CDH6: variants seen among roughly 807,000 people sequenced by gnomAD.
The protein encoded by CDH6 is cadherin-6.
Under a neutral mutation model 78.0 loss-of-function variants are expected in CDH6, and 31 were observed. The observed-to-expected ratio is 0.40, with a 90% confidence interval of 0.30 to 0.54. The LOEUF (loss-of-function observed/expected upper bound fraction) is 0.54. Ranked by LOEUF, CDH6 falls within the 20% of genes least tolerant of loss-of-function variation. The pLI is 0.56. For missense variants in CDH6, 724 were observed against 975.9 expected, an observed-to-expected ratio of 0.74 and a Z score of 3.44; for synonymous variants, 376 against 368.8, an observed-to-expected ratio of 1.02 and a Z score of -0.23.
At chr5:31,318,016 G>C (rs1473419363) in intron 11 of CDH6, 92 bp downstream of exon 11, 1 of 1,447,788 alleles carries the variant, frequency 6.9e-7, no homozygotes, top group Non-Finnish European at 9.6e-7. Context: ...CCCCCATTAA[G>C]GCATACAGCC....
intron 1 of CDH6, among the ~76,000 whole-genome samples, chr5:31,222,986 C>T (rs1046596018): frequency 6.6e-5 from 10 of 152,028 alleles, no homozygotes; most frequent in East Asian, 3.9e-4. Flanking sequence ...CTCTCTCTCC[C>T]GCACTTTTCC....
At chr5:31,261,919 A>T (rs530146663) in intron 1 of CDH6, among the ~76,000 whole-genome samples, 4 of 152,218 alleles carry the variant, frequency 2.6e-5, no homozygotes, top group African/African-American at 7.2e-5. Flanking sequence ...TTCAATCAAT[A>T]AAAAAAATTC....
chr5:31,256,036 GTA>G (rs1325996038), intron 1 of CDH6, among the ~76,000 whole-genome samples: 1 of 152,190 alleles, frequency 6.6e-6, no homozygotes, highest in East Asian at 1.9e-4. Flanking sequence ...TTTGCTGTGT[GTA>G]TGTGTGTGTT....
intron 2 of CDH6, among the ~76,000 whole-genome samples, chr5:31,273,356 A>G (rs1742586260): frequency 6.6e-6 from 1 of 152,238 alleles, no homozygotes; most frequent in South Asian, 2.1e-4. Context: ...ATGTCAGATG[A>G]AAGCATCGTC....
intron 1 of CDH6, among the ~76,000 whole-genome samples, chr5:31,253,184 C>A (rs1208045420): frequency 6.6e-6 from 1 of 152,148 alleles, no homozygotes; most frequent in African/African-American, 2.4e-5. Flanking sequence ...GGTTCTGTGT[C>A]CCCACCCAAA....
chr5:31,242,703 G>GC (rs1048854742), intron 1 of CDH6, among the ~76,000 whole-genome samples: 1 of 142,010 alleles, frequency 7.0e-6, no homozygotes, highest in African/African-American at 2.9e-5. Flanking sequence ...AATAAGAATG[G>GC]GGGGGGGCGG....
Position 31,302,775 on chromosome 5 carries a change from AGAAAGAGAGAGAG to A in CDH6, c.999+478_999+490del, listed in dbSNP as rs1561065759. Among the ~76,000 whole-genome samples the A allele has an allele frequency of 2.3e-3, 202 of 89,174 alleles. 4 individuals carry two copies. The highest frequency in any genetic ancestry group is 7.4e-3 in the African/African-American group (127 of 17,166). The allele number at this position is 89,174 out of a possible 152,430, so 58.5% of individuals were successfully genotyped here. A position where few individuals can be genotyped will look rare whatever the true frequency, so the allele number is the denominator to read the frequency against. On this transcript the variant is annotated intron_variant, in intron 6 of 11. Transcript: ENST00000265071. ...GGAGAAAGAAAGAAAGAAAGAAAGA[AGAAAGAGAGAGAG>A]AGAGAGAGAGAGAAAGAAAGAAAGA...
intron 11 of CDH6, among the ~76,000 whole-genome samples, chr5:31,320,469 A>G (rs911197518): frequency 6.6e-6 from 1 of 152,168 alleles, no homozygotes; most frequent in South Asian, 2.1e-4. Context: ...GCCCATGTAC[A>G]TAAGAGCTTA....
chr5:31,240,569 C>A (rs1741570940), intron 1 of CDH6, among the ~76,000 whole-genome samples: 1 of 152,164 alleles, frequency 6.6e-6, no homozygotes, highest in Non-Finnish European at 1.5e-5. Context: ...GCAGCAGCTC[C>A]ACTAAGAATA....
intron 1 of CDH6, among the ~76,000 whole-genome samples, chr5:31,227,952 T>G (rs931923980): frequency 1.3e-5 from 2 of 152,196 alleles, no homozygotes; most frequent in Non-Finnish European, 2.9e-5. Context: ...TACAGATTTA[T>G]AGGTCAGAGG....
rs779981842 is a variant in CDH6 at position 31,317,663 on chromosome 5, C to T, written c.1631-10C>T. The T allele has an allele frequency of 3.7e-5, 59 of 1,604,042 alleles. No individual in the cohort carries two copies. The highest frequency in any genetic ancestry group is 4.9e-5 in the Non-Finnish European group (58 of 1,172,846). On this transcript the variant is annotated splice_polypyrimidine_tract_variant and intron_variant, in intron 10 of 11. Transcript: ENST00000265071. ...CCACATACATTCACCACTTTGCTTT[C>T]CGGTTCCAGACAACACGGCGGGAAT...
At position 31,202,621 on chromosome 5, in the gene CDH6, A is replaced by T. The variant is rs1740385742; in HGVS notation, c.-129+8735A>T. On this transcript the variant is annotated intron_variant, in intron 1 of 11. Transcript: ENST00000265071. ...ATTCTACTCCAGCCTGGGTGATAAG[A>T]GCAAAACTTCACCTCAAAAAAATAT... 1.3e-5 allele frequency among the ~76,000 whole-genome samples: 2 copies of T among 151,496 alleles called. 1 individual carries two copies. The highest frequency in any genetic ancestry group is 4.2e-4 in the South Asian group (2 of 4,778).
Position 31,325,064 on chromosome 5 carries a change from G to A in CDH6, c.*1756G>A, listed in dbSNP as rs1189461220. 1 of 218,352 alleles carries A rather than the reference G, an allele frequency of 4.6e-6. No individual in the cohort carries two copies. The highest frequency in any genetic ancestry group is 9.2e-6 in the Non-Finnish European group (1 of 108,902). 13.5% of individuals were successfully genotyped at this position (218,352 alleles called of 1,614,324 possible). ...CATATCAGCACATATTTTCTGTTTG[G>A]AAACACACTGTTGTTTAGTTAAGTT... On this transcript the variant is annotated 3_prime_UTR_variant, in exon 12 of 12. Coordinates refer to ENST00000265071, the MANE Select transcript of CDH6 (RefSeq NM_004932.4).
At chr5:31,302,899 GAAAA>G (rs1202118631) in intron 6 of CDH6, among the ~76,000 whole-genome samples, 1,235 of 104,600 alleles carry the variant, frequency 0.012, 23 homozygotes, top group African/African-American at 0.043. Context: ...AAGAAAGAAA[GAAAA>G]AAAGAAAGAA....
At chr5:31,224,716 T>C (rs1210064557) in intron 1 of CDH6, among the ~76,000 whole-genome samples, 4 of 152,062 alleles carry the variant, frequency 2.6e-5, no homozygotes, top group Non-Finnish European at 2.9e-5. Flanking sequence ...ACCACACCCC[T>C]CTAAATTTTG....
chr5:31,278,457 A>T (rs1372835084), intron 2 of CDH6, among the ~76,000 whole-genome samples: 1 of 152,220 alleles, frequency 6.6e-6, no homozygotes, highest in Non-Finnish European at 1.5e-5. Context: ...TTCCTTTGAG[A>T]CTTTTACAAA....
At chr5:31,202,887 C>T (rs1740399763) in intron 1 of CDH6, among the ~76,000 whole-genome samples, 1 of 151,552 alleles carries the variant, frequency 6.6e-6, no homozygotes, top group Non-Finnish European at 1.5e-5. Flanking sequence ...CAGTTTTGTA[C>T]TCAACAAAAT....
chr5:31,232,116 C>A (rs1741326884), intron 1 of CDH6, among the ~76,000 whole-genome samples: 1 of 152,156 alleles, frequency 6.6e-6, no homozygotes, highest in Non-Finnish European at 1.5e-5. Flanking sequence ...CTTTGTTTCT[C>A]ACTCTTTAAT....
At chr5:31,281,229 T>C (rs1454524832) in intron 2 of CDH6, among the ~76,000 whole-genome samples, 1 of 152,022 alleles carries the variant, frequency 6.6e-6, no homozygotes, top group Non-Finnish European at 1.5e-5. Context: ...TTCTGCCCTT[T>C]GAATTATCAT....
Sources: gnomAD v4.1 joint callset for allele counts (sites outside exome capture counted in the v4.1 genomes callset) on GRCh38, gnomAD v4.1.1 for gene constraint, MANE v1.5 for transcripts, NCBI Gene and HGNC (gene_info 2026-07-23, HGNC 2026-07-21) for gene names.